Variants in NEB observed in about 807,000 individuals in gnomAD.
NEB encodes nemaline myopathy type 2.
A neutral mutation model predicts 952.2 loss-of-function variants in NEB; 512 were observed. That is an observed-to-expected ratio of 0.54 (90% CI 0.50 to 0.58). The LOEUF is 0.58. Ranked by LOEUF, NEB falls within the 20% of genes least tolerant of loss-of-function variation. The pLI is 0.00. For synonymous variants in NEB, 2,900 were observed against 3,149.8 expected (o/e 0.92, Z 2.66); for missense variants, 8,428 against 9,231.1 (o/e 0.91, Z 3.56).
intron 60 of NEB, among the ~76,000 whole-genome samples, chr2:151,641,299 A>T (rs1157422312): frequency 6.6e-6 from 1 of 151,856 alleles, no homozygotes; most frequent in Non-Finnish European, 1.5e-5. Flanking sequence ...GTGTCATTAA[A>T]TAGTCTTTGC....
chr2:151,492,325 C>T (rs367610955), intron 177 of NEB, 44 bp from the exon 178 acceptor site: 12 of 1,597,404 alleles, frequency 7.5e-6, no homozygotes, highest in Non-Finnish European at 1.0e-5. Context: ...GATGGTGTGA[C>T]TATATCCCTT....
At chr2:151,656,113 C>T (rs2099083363) in intron 49 of NEB, 40 bp downstream of exon 49, 5 of 1,574,944 alleles carry the variant, frequency 3.2e-6, no homozygotes, top group Non-Finnish European at 3.5e-6. Flanking sequence ...CCTTCCCATG[C>T]TAGGATTCCA....
intron 105 of NEB, among the ~76,000 whole-genome samples, chr2:151,577,594 C>A (rs1309181260): frequency 3.3e-5 from 5 of 152,054 alleles, no homozygotes; most frequent in Non-Finnish European, 2.9e-5. Context: ...TTTTTGTTTG[C>A]CTTTGAGACG....
intron 126 of NEB, 98 bp downstream of exon 126, chr2:151,553,730 G>A: frequency 1.6e-6 from 2 of 1,236,178 alleles, no homozygotes; most frequent in Non-Finnish European, 2.2e-6. Flanking sequence ...AGAGATAGTG[G>A]AAAAAGGCTA....
rs139370581 is a variant in NEB at position 151,659,297 on chromosome 2, T to A, written c.5971-128A>T. On this transcript the variant is annotated intron_variant, in intron 46 of 181. Transcript: ENST00000397345. ...TTAGCTAGGTTTAAATTAATTAATT[T>A]ATTTATTTATTATTTTTGAGACAGA... 4.9e-3 allele frequency: 2,664 copies of A among 538,790 alleles called. 25 individuals are homozygous for A. The highest frequency in any genetic ancestry group is 0.022 in the South Asian group (699 of 31,948). The allele number at this position is 538,790 out of a possible 1,614,324, so 33.4% of individuals were successfully genotyped here. A position where few individuals can be genotyped will look rare whatever the true frequency, so the allele number is the denominator to read the frequency against.
Position 151,535,770 on chromosome 2 carries a change from C to T in NEB, c.21233G>A (p.Arg7078Lys). The change falls in exon 142 of 182, where the codon AGG becomes AAG. Residue 7078 changes from arginine to lysine, a missense_variant. By Grantham distance (26) the Arg-to-Lys change is conservative. Transcript: ENST00000397345. ...AACATACTTGAAATCTGACTTTGTC[C>T]TTTCAAATACTTCTTTATACTTATA... ...SKYKYKEVFE[R>K]TKSDFKYVAD... The T allele has an allele frequency of 1.3e-6, 2 of 1,599,770 alleles. No individual in the cohort carries two copies. Among genetic ancestry groups the T allele is most frequent in the Non-Finnish European group, 1.7e-6 (2 of 1,171,552 alleles).
chr2:151,494,289 A>T, intron 173 of NEB, 36 bp from the exon 174 acceptor site: 1 of 1,396,324 alleles, frequency 7.2e-7, no homozygotes, highest in South Asian at 1.3e-5. Flanking sequence ...AGCCAAAAAG[A>T]AAAAGAGTTA....
At position 151,690,789 on chromosome 2, in the gene NEB, T is replaced by C. The variant is rs2099542702; in HGVS notation, c.2248A>G (p.Thr750Ala). 6.3e-7 allele frequency: 1 copy of C among 1,597,308 alleles called. No individual in the cohort carries two copies. Among genetic ancestry groups the C allele is most frequent in the Non-Finnish European group, 8.5e-7 (1 of 1,171,530 alleles). Residue 750 changes from threonine to alanine, a missense_variant, in exon 24 of 182, where the codon ACG becomes GCG. Around this residue, in one of 11 missense-constraint regions of NEB, gnomAD observed 2,851 missense variants for 2,791.5 expected, o/e 1.02. Transcript: ENST00000397345. ...YKVHPDKTKF[T>A]AVTDSPVLLQ... ...AGTACAGGAGAATCAGTGACTGCCG[T>C]GAATTTGGTCTTATCTGGATGAACT...
chr2:151,693,003 G>A (rs2099570601), intron 20 of NEB, among the ~76,000 whole-genome samples: 1 of 152,038 alleles, frequency 6.6e-6, no homozygotes, highest in Admixed American at 6.6e-5. Context: ...ATGAGTTTAA[G>A]AATTGATGCA....
intron 161 of NEB, among the ~76,000 whole-genome samples, chr2:151,512,019 CTTT>C (rs71403173): frequency 2.1e-5 from 2 of 93,568 alleles, no homozygotes; most frequent in African/African-American, 8.6e-5. Context: ...CCCTCTCACT[CTTT>C]TTTTTTTTTT....
rs1231131080 is a variant in NEB at position 151,630,736 on chromosome 2, C to T, written c.9702G>A (p.Gln3234=). The T allele has an allele frequency of 3.4e-5, 54 of 1,608,868 alleles. No individual in the cohort carries two copies. The highest frequency in any genetic ancestry group is 4.5e-5 in the Non-Finnish European group (53 of 1,177,304). ...CTACCTCACTGTAGTTGATTTTGTT[C>T]TGCCTTGCCAACATAATCTCTGGTG... is the stretch of plus-strand genomic sequence containing the variant. ...PDTPEIMLAR[Q]NKINYSETLY... is the part of the protein sequence containing the mutation. Residue 3234 remains glutamine (Q), a synonymous_variant, in exon 67 of 182, where the codon CAG becomes CAA. Transcript: ENST00000397345.
chr2:151,517,538 A>G (rs2078537132), intron 156 of NEB, among the ~76,000 whole-genome samples: 1 of 152,180 alleles, frequency 6.6e-6, no homozygotes, highest in African/African-American at 2.4e-5. Context: ...AACAACTGGG[A>G]TATGTTATGA....
intron 107 of NEB, 45 bp downstream of exon 107, chr2:151,575,650 C>T: frequency 7.5e-7 from 1 of 1,340,538 alleles, no homozygotes; most frequent in Non-Finnish European, 1.1e-6. Flanking sequence ...ATAGCCCTGA[C>T]TGGGTAACTT....
rs2064473141 is a variant in NEB at position 151,501,455 on chromosome 2, C to G, written c.23957G>C (p.Gly7986Ala). Residue 7986 changes from glycine (G) to alanine (A), a missense_variant, in exon 168 of 182, where the codon GGG becomes GCG. Gly to Ala is a moderately conservative substitution (Grantham distance 60, BLOSUM62 0). Coordinates refer to ENST00000397345, the MANE Select transcript of NEB (RefSeq NM_001164508.2). ...CTCAGGAGTGACAGGTAGGGGAGTC[C>G]CCTTGCTCAAGTTCTCTTTGTACAA... ...SILYKENLSK[G>A]TPLPVTPEME... 1 of 1,532,002 alleles carries G rather than the reference C, an allele frequency of 6.5e-7. No individual in the cohort carries two copies. The highest frequency in any genetic ancestry group is 8.8e-7 in the Non-Finnish European group (1 of 1,136,858). 94.9% of individuals were successfully genotyped at this position (1,532,002 alleles called of 1,614,324 possible). A position where few individuals can be genotyped will look rare whatever the true frequency, so the allele number is the denominator to read the frequency against.
chr2:151,541,403 C>A, intron 136 of NEB, 44 bp downstream of exon 136: 1 of 1,473,146 alleles, frequency 6.8e-7, no homozygotes, highest in South Asian at 1.2e-5. Context: ...TATAATCACC[C>A]CCTGTGATGC....
chr2:151,704,672 A>G (rs1016309757), intron 13 of NEB, among the ~76,000 whole-genome samples: 23 of 151,660 alleles, frequency 1.5e-4, no homozygotes, highest in African/African-American at 5.3e-4. Context: ...TAACTCTCTG[A>G]CCCCTTGCGC....
At position 151,728,032 on chromosome 2, in the gene NEB, G is replaced by A. The variant is rs931915911; in HGVS notation, c.79-126C>T. 4.1e-6 allele frequency: 3 copies of A among 723,624 alleles called. No homozygotes were observed. In the African/African-American group the frequency reaches 5.3e-5, roughly 13 times the overall value. 44.8% of individuals were successfully genotyped at this position (723,624 alleles called of 1,614,324 possible). A position where few individuals can be genotyped will look rare whatever the true frequency, so the allele number is the denominator to read the frequency against. ...CTGGTGTTACTTCTCCATATCTAAAGTAAGCCAAAGCAGGAAATGGCACAC... is the reference window on the plus strand; with the variant it reads ...CTGGTGTTACTTCTCCATATCTAAAATAAGCCAAAGCAGGAAATGGCACAC... On this transcript the variant is annotated intron_variant, in intron 4 of 181. Coordinates refer to ENST00000397345, the MANE Select transcript of NEB (RefSeq NM_001164508.2).
intron 10 of NEB, among the ~76,000 whole-genome samples, chr2:151,710,808 T>C (rs2099742814): frequency 6.6e-6 from 1 of 152,154 alleles, no homozygotes; most frequent in African/African-American, 2.4e-5. Flanking sequence ...AAGTTGCAGA[T>C]GTCCCCTGAT....
rs1173974112 is a variant in NEB at position 151,655,381 on chromosome 2, AGTGGG to A, written c.6703-12_6703-8del. On this transcript the variant is annotated splice_region_variant and splice_polypyrimidine_tract_variant and intron_variant, in intron 50 of 181. Coordinates refer to ENST00000397345, the MANE Select transcript of NEB (RefSeq NM_001164508.2). ...AATCAATGGTGTATAAATGCTAGGA[AGTGGG>A]AAAAAAAGACATGAAATTTGAATAA... 1.3e-6 allele frequency: 2 copies of A among 1,501,620 alleles called. No individual in the cohort carries two copies. Among genetic ancestry groups the A allele is most frequent in the Admixed American group, 1.9e-5 (1 of 53,278 alleles). The allele number at this position is 1,501,620 out of a possible 1,614,324, so 93.0% of individuals were successfully genotyped here.
Sources: allele counts gnomAD v4.1 joint callset (sites outside exome capture counted in the v4.1 genomes callset), GRCh38; gene constraint gnomAD v4.1.1; regional missense constraint gnomAD v4.1.1; transcripts MANE v1.5; gene names NCBI Gene and HGNC (gene_info 2026-07-23, HGNC 2026-07-21).